GPD2: variants seen among roughly 807,000 people sequenced by gnomAD.
GPD2 encodes the protein glycerol-3-phosphate dehydrogenase, mitochondrial.
In GPD2, 54 loss-of-function variants were observed where a neutral mutation model predicts 82.4. The observed-to-expected ratio is 0.66, with a 90% confidence interval of 0.53 to 0.82. The LOEUF is 0.82. GPD2 is among the 40% of genes least tolerant of loss of function. The pLI, the probability that GPD2 is intolerant of heterozygous loss-of-function variation, is 0.00. For missense variants in GPD2, 748 were observed against 896.2 expected, an observed-to-expected ratio of 0.83 and a Z score of 2.11; for synonymous variants, 288 against 306.1, an observed-to-expected ratio of 0.94 and a Z score of 0.62.
At chr2:156,507,410 C>T (rs934286174) in intron 3 of GPD2, among the ~76,000 whole-genome samples, 1 of 151,358 alleles carries the variant, frequency 6.6e-6, no homozygotes, top group South Asian at 2.1e-4. Context: ...CAACTTCTGT[C>T]TTTTGGGCTC....
chr2:156,551,096 A>C (rs2105336217), intron 8 of GPD2, among the ~76,000 whole-genome samples: 1 of 152,344 alleles, frequency 6.6e-6, no homozygotes, highest in Non-Finnish European at 1.5e-5. Context: ...ATTTTAGTTA[A>C]AACAATAAGA....
the GPD2 span, among the ~76,000 whole-genome samples, chr2:156,423,899 C>T: frequency 1.1e-4 from 16 of 152,274 alleles, no homozygotes; most frequent in East Asian, 9.7e-4. Flanking sequence ...CAAAACAAAG[C>T]GCTTTCCTAT....
intron 1 of GPD2, among the ~76,000 whole-genome samples, chr2:156,463,420 A>C (rs745989079): frequency 1.3e-5 from 2 of 152,224 alleles, no homozygotes; most frequent in Non-Finnish European, 2.9e-5. Context: ...CCATGAATGC[A>C]AGTTTTAATT....
At chr2:156,575,769 A>G (rs993996825) in intron 13 of GPD2, among the ~76,000 whole-genome samples, 14 of 152,240 alleles carry the variant, frequency 9.2e-5, no homozygotes, top group Admixed American at 3.9e-4. Flanking sequence ...TCTATAAAGC[A>G]TTTTAGAAAG....
At chr2:156,543,210 G>A (rs976976974) in intron 6 of GPD2, among the ~76,000 whole-genome samples, 7 of 152,158 alleles carry the variant, frequency 4.6e-5, no homozygotes, top group African/African-American at 1.7e-4. Flanking sequence ...AGTCCCCCTT[G>A]ATCCCATGAC....
chr2:156,548,415 A>G (rs1483336510), intron 6 of GPD2, among the ~76,000 whole-genome samples: 4 of 152,170 alleles, frequency 2.6e-5, no homozygotes, highest in Non-Finnish European at 4.4e-5. Flanking sequence ...GAGGTTTAAC[A>G]TAAGTTCTCC....
intron 1 of GPD2, among the ~76,000 whole-genome samples, chr2:156,442,746 C>T (rs533567808): frequency 1.3e-5 from 2 of 152,136 alleles, no homozygotes; most frequent in Non-Finnish European, 2.9e-5. Flanking sequence ...CTGCAGTGAG[C>T]CATGATTGCA....
chr2:156,560,538 G>A (rs540953036), intron 9 of GPD2, among the ~76,000 whole-genome samples: 6 of 152,258 alleles, frequency 3.9e-5, no homozygotes, highest in African/African-American at 1.4e-4. Flanking sequence ...TTCCCTGTGT[G>A]CGGCACCTGT....
chr2:156,544,300 T>C (rs142247209), intron 6 of GPD2, among the ~76,000 whole-genome samples: 1 of 152,276 alleles, frequency 6.6e-6, no homozygotes, highest in African/African-American at 2.4e-5. Context: ...ATGACATTGG[T>C]GGAGGACAAG....
intron 8 of GPD2, among the ~76,000 whole-genome samples, chr2:156,556,682 A>G (rs1343109056): frequency 6.6e-6 from 1 of 152,166 alleles, no homozygotes; most frequent in African/African-American, 2.4e-5. Flanking sequence ...AAAGATTTTC[A>G]TTGCTAAAGT....
At chr2:156,439,704 G>A (rs185030068) in intron 1 of GPD2, among the ~76,000 whole-genome samples, 19 of 151,318 alleles carry the variant, frequency 1.3e-4, no homozygotes, top group East Asian at 3.9e-4. Context: ...AAAATTAGCC[G>A]GGCATGATCG....
intron 1 of GPD2, among the ~76,000 whole-genome samples, chr2:156,451,475 CCCCCA>C (rs1345942819): frequency 2.6e-5 from 1 of 38,268 alleles, no homozygotes; most frequent in Non-Finnish European, 5.2e-5. Context: ...GGGGCTGACC[CCCCCA>C]CCTCCCTCCC....
At chr2:156,555,088 A>G (rs1289316606) in intron 8 of GPD2, among the ~76,000 whole-genome samples, 1 of 152,256 alleles carries the variant, frequency 6.6e-6, no homozygotes, top group Non-Finnish European at 1.5e-5. Context: ...TTGATCCTTC[A>G]TGAGAAAACA....
At chr2:156,419,011 T>TCAA in the GPD2 span, among the ~76,000 whole-genome samples, 1 of 151,034 alleles carries the variant, frequency 6.6e-6, no homozygotes, top group African/African-American at 2.4e-5. Flanking sequence ...GTTCAGCATG[T>TCAA]CAACTTGCCA....
chr2:156,528,125 C>A (rs1685682043), intron 6 of GPD2, among the ~76,000 whole-genome samples: 2 of 151,970 alleles, frequency 1.3e-5, no homozygotes, highest in African/African-American at 4.8e-5. Flanking sequence ...ATAAAATAAA[C>A]CCAATTTATT....
chr2:156,519,299 G>A (rs1054783941), intron 6 of GPD2, among the ~76,000 whole-genome samples: 1 of 152,000 alleles, frequency 6.6e-6, no homozygotes, highest in African/African-American at 2.4e-5. Context: ...TTTAGTGAGA[G>A]GACAGATTGC....
upstream of GPD2, among the ~76,000 whole-genome samples, chr2:156,434,862 G>A (rs1688379137): frequency 6.6e-6 from 1 of 152,170 alleles, no homozygotes; most frequent in African/African-American, 2.4e-5. Flanking sequence ...TACAGTTTCT[G>A]TCAAGTTCTC....
At chr2:156,498,715 G>A (rs923643534) in intron 3 of GPD2, among the ~76,000 whole-genome samples, 2 of 152,120 alleles carry the variant, frequency 1.3e-5, no homozygotes, top group African/African-American at 4.8e-5. Flanking sequence ...ACAGTCATAA[G>A]CATAGGCTTT....
At chr2:156,479,246 G>C (rs2105208118) in intron 2 of GPD2, among the ~76,000 whole-genome samples, 2 of 152,314 alleles carry the variant, frequency 1.3e-5, no homozygotes, top group Middle Eastern at 6.8e-3. Context: ...ACATAAGACA[G>C]ATTGAAATTG....
Sources: allele counts gnomAD v4.1 joint callset (sites outside exome capture counted in the v4.1 genomes callset), GRCh38; gene constraint gnomAD v4.1.1; transcripts MANE v1.5; gene names NCBI Gene and HGNC (gene_info 2026-07-23, HGNC 2026-07-21).